Variants in ERICH5 observed in about 807,000 individuals in gnomAD.
The protein encoded by ERICH5 is glutamate rich 5.
Under a neutral mutation model 28.0 loss-of-function variants are expected in ERICH5, and 24 were observed. The ratio of observed to expected loss-of-function variants is 0.86; its 90% CI spans 0.62 to 1.21. The LOEUF is 1.21. ERICH5 is among the 50% of genes most tolerant of loss of function. The probability of loss-of-function intolerance (pLI) is 0.00; values close to 1 mark genes in which losing one functional copy is unlikely to be tolerated. For missense variants in ERICH5, 421 were observed against 441.2 expected, an observed-to-expected ratio of 0.95 and a Z score of 0.41; for synonymous variants, 163 against 157.6, an observed-to-expected ratio of 1.03 and a Z score of -0.25.
chr8:98,086,263 C>A (rs749953382), intron 1 of ERICH5, among the ~76,000 whole-genome samples: 87 of 152,022 alleles, frequency 5.7e-4, no homozygotes, highest in Non-Finnish European at 2.5e-4. Flanking sequence ...CTTAACATGC[C>A]AAGGAAAGCT....
At chr8:98,072,193 T>C (rs1814930762) in intron 1 of ERICH5, among the ~76,000 whole-genome samples, 1 of 152,228 alleles carries the variant, frequency 6.6e-6, no homozygotes, top group South Asian at 2.1e-4. Context: ...GAGAATGGTT[T>C]ATAGCCATGC....
At chr8:98,091,373 TC>T (rs1586208744) in intron 2 of ERICH5, among the ~76,000 whole-genome samples, 1 of 152,152 alleles carries the variant, frequency 6.6e-6, no homozygotes, top group Non-Finnish European at 1.5e-5. Context: ...TGTGCGTGCA[TC>T]ACCATAGTCT....
At chr8:98,067,236 G>A (rs1401716998) in intron 1 of ERICH5, among the ~76,000 whole-genome samples, 1 of 152,020 alleles carries the variant, frequency 6.6e-6, no homozygotes, top group Non-Finnish European at 1.5e-5. Flanking sequence ...GGAGTTCAAG[G>A]CCAGCCTGGG....
At chr8:98,073,361 T>C (rs1814955419) in intron 1 of ERICH5, among the ~76,000 whole-genome samples, 1 of 143,950 alleles carries the variant, frequency 6.9e-6, no homozygotes, top group Admixed American at 7.2e-5. Context: ...GCTTGCTCTT[T>C]AGGCCAGGAG....
At chr8:98,077,044 C>CT (rs1815067670) in intron 1 of ERICH5, among the ~76,000 whole-genome samples, 2 of 151,856 alleles carry the variant, frequency 1.3e-5, no homozygotes, top group African/African-American at 4.8e-5. Flanking sequence ...AGGAGGATCG[C>CT]TTCAGGCCAG....
At chr8:98,083,770 G>A (rs2130526563) in intron 1 of ERICH5, among the ~76,000 whole-genome samples, 1 of 152,246 alleles carries the variant, frequency 6.6e-6, no homozygotes, top group East Asian at 1.9e-4. Flanking sequence ...ACAGCCTCCC[G>A]GATTTGCCAC....
intron 1 of ERICH5, among the ~76,000 whole-genome samples, chr8:98,073,408 CTCTCTCTCTCTCTCTCTCTCTCTCTATA>C (rs1814957961): frequency 5.8e-5 from 1 of 17,228 alleles, no homozygotes; most frequent in Non-Finnish European, 9.1e-5. Context: ...GAGACCCTCT[CTCTCTCTCTCTCTCTCTCTCTCTCTATA>C]TATATATATA....
intron 2 of ERICH5, among the ~76,000 whole-genome samples, chr8:98,091,299 G>A (rs1391619471): frequency 3.3e-5 from 5 of 152,104 alleles, no homozygotes; most frequent in Non-Finnish European, 7.4e-5. Context: ...GTGCTGAGAT[G>A]CAGACTGAGG....
intron 1 of ERICH5, among the ~76,000 whole-genome samples, chr8:98,077,063 G>A (rs769232693): frequency 1.7e-4 from 25 of 151,336 alleles, no homozygotes; most frequent in Non-Finnish European, 3.2e-4. Context: ...AGGAGTTTGA[G>A]ACCAGCCTGG....
rs1263967956 is a variant in ERICH5, at chr8:98,090,009, A to C, written c.992A>C (p.Glu331Ala). ...ATGATCAGGAACATCCATACTAATG[A>C]AGAGGACCAACGCATTGAAGGTAAA... ...VEMIRNIHTN[E>A]EDQRIEGETG... Residue 331 changes from glutamate (E) to alanine (A), a missense_variant, in exon 2 of 3, where the codon GAA (glutamate) becomes GCA (alanine). Transcript: ENST00000318528. The C allele has an allele frequency of 6.2e-7, 1 of 1,612,456 alleles. No homozygotes were observed.
At chr8:98,082,598 TCACACCATTG>T (rs377608666) in intron 1 of ERICH5, among the ~76,000 whole-genome samples, 26 of 145,536 alleles carry the variant, frequency 1.8e-4, no homozygotes, top group African/African-American at 6.7e-4. Context: ...TGAGCCAAGA[TCACACCATTG>T]CACTCCAGCC....
rs56193140 is a variant in ERICH5 at position 98,091,949 on chromosome 8, C to T, written c.1013-1272C>T. On this transcript the variant is annotated intron_variant, in intron 2 of 2. Coordinates refer to ENST00000318528, the MANE Select transcript of ERICH5 (RefSeq NM_173549.3). Reference sequence around the variant, plus strand: ...TCTTTCTTTCTTCCTTTCTTTCTTTCTTCTTTCTTTCTTTTTTCTTTCTTT... The same window carrying T: ...TCTTTCTTTCTTCCTTTCTTTCTTTTTTCTTTCTTTCTTTTTTCTTTCTTT... Among the ~76,000 whole-genome samples the T allele has an allele frequency of 3.7e-3, 379 of 101,982 alleles. 32 individuals are homozygous for T. The highest frequency in any genetic ancestry group is 0.023 in the South Asian group (71 of 3,048). 66.9% of individuals were successfully genotyped at this position (101,982 alleles called of 152,430 possible).
At position 98,075,785 on chromosome 8, in the gene ERICH5, C is replaced by CTTTTTTTTTTTTTTTTTTTTTTTTT. The variant is rs1296283210; in HGVS notation, c.58+11077_58+11078insTTTTTTTTTTTTTTTTTTTTTTTTT. On this transcript the variant is annotated intron_variant, in intron 1 of 2. Transcript: ENST00000318528. The stretch of plus-strand genomic sequence containing the variant: ...TAACTCCCATCTCAAGCACACCTGC[C>CTTTTTTTTTTTTTTTTTTTTTTTTT]TTTTTTTTTTTTTTTTTTTGAGACA... 7.6e-4 allele frequency among the ~76,000 whole-genome samples: 62 copies of CTTTTTTTTTTTTTTTTTTTTTTTTT among 81,632 alleles called. 6 individuals carry two copies. The highest frequency in any genetic ancestry group is 2.7e-3 in the African/African-American group (59 of 21,704). The allele number at this position is 81,632 out of a possible 152,430, so 53.6% of individuals were successfully genotyped here.
At chr8:98,084,303 C>G (rs1257530196) in intron 1 of ERICH5, among the ~76,000 whole-genome samples, 1 of 152,158 alleles carries the variant, frequency 6.6e-6, no homozygotes, top group African/African-American at 2.4e-5. Context: ...CTTCTCATTT[C>G]TGAGTCCTAT....
chr8:98,089,903 A>C lies in ERICH5; in HGVS notation c.886A>C (p.Met296Leu). ...TAAAACTCCTGAAGGTCCAGGAAAC[A>C]TGGAGCAGATTCAACCTGAAGGAAT... Reference protein sequence around the residue: ...FHKTPEGPGNMEQIQPEGIVG... With the variant: ...FHKTPEGPGNLEQIQPEGIVG... Residue 296 changes from methionine to leucine, a missense_variant, in exon 2 of 3, where the codon ATG becomes CTG. Physicochemically the swap from Met to Leu is conservative, Grantham distance 15. Coordinates refer to ENST00000318528, the MANE Select transcript of ERICH5 (RefSeq NM_173549.3). 1 of 1,614,246 alleles carries C rather than the reference A, an allele frequency of 6.2e-7. No individual in the cohort carries two copies. Among genetic ancestry groups the C allele is most frequent in the Non-Finnish European group, 8.5e-7 (1 of 1,180,046 alleles).
In ERICH5 at chr8:98,091,955, T is replaced by TC. The variant is rs1360596735; in HGVS notation, c.1013-1265dup. Among the ~76,000 whole-genome samples the TC allele has an allele frequency of 7.4e-4, 93 of 124,974 alleles. 4 individuals carry two copies. Among genetic ancestry groups the TC allele is most frequent in the African/African-American group, 2.6e-3 (87 of 34,044 alleles). The allele number at this position is 124,974 out of a possible 152,430, so 82.0% of individuals were successfully genotyped here. A position where few individuals can be genotyped will look rare whatever the true frequency, so the allele number is the denominator to read the frequency against. On this transcript the variant is annotated intron_variant, in intron 2 of 2. Coordinates refer to ENST00000318528, the MANE Select transcript of ERICH5 (RefSeq NM_173549.3). ...TTTCTTCCTTTCTTTCTTTCTTCTTTCTTTCTTTTTTCTTTCTTTTTCTTC... is the reference window on the plus strand; with the variant it reads ...TTTCTTCCTTTCTTTCTTTCTTCTTTCCTTTCTTTTTTCTTTCTTTTTCTTC...
At chr8:98,090,701 AT>A (rs1815369219) in intron 2 of ERICH5, among the ~76,000 whole-genome samples, 1 of 152,108 alleles carries the variant, frequency 6.6e-6, no homozygotes, top group African/African-American at 2.4e-5. Flanking sequence ...ACCAGAGAAA[AT>A]GTACTATGTC....
intron 1 of ERICH5, 130 bp from the exon 2 acceptor site, chr8:98,088,946 A>T: frequency 4.5e-6 from 3 of 666,822 alleles, no homozygotes; most frequent in East Asian, 5.4e-5. Flanking sequence ...GCCTTTCTGT[A>T]CTCAGATATA....
chr8:98,076,408 C>A (rs200044709), intron 1 of ERICH5, among the ~76,000 whole-genome samples: 1 of 140,582 alleles, frequency 7.1e-6, no homozygotes, highest in African/African-American at 2.6e-5. Context: ...TTTTTTTTTC[C>A]TCGTGATCTA....
Sources: gnomAD v4.1 joint callset for allele counts (sites outside exome capture counted in the v4.1 genomes callset) on GRCh38, gnomAD v4.1.1 for gene constraint, MANE v1.5 for transcripts, NCBI Gene and HGNC (gene_info 2026-07-23, HGNC 2026-07-21) for gene names.